The following ZCCHC24 variants were observed in gnomAD, a reference collection of about 807,000 sequenced individuals.
ZCCHC24 encodes the protein zinc finger CCHC-type containing 24.
Under a neutral mutation model 26.2 loss-of-function variants are expected in ZCCHC24, and 10 were observed. The ratio of observed to expected loss-of-function variants is 0.38; its 90% confidence interval spans 0.24 to 0.65. ZCCHC24 has a LOEUF of 0.65. Ranked by LOEUF, ZCCHC24 falls within the 30% of genes least tolerant of loss-of-function variation. ZCCHC24 has a pLI of 0.54. For synonymous variants in ZCCHC24, 144 were observed against 147.1 expected (o/e 0.98, Z 0.15); for missense variants, 243 against 329.1 (o/e 0.74, Z 2.03).
chr10:79,425,322 C>A (rs952136809), intron 2 of ZCCHC24, among the ~76,000 whole-genome samples: 4 of 152,234 alleles, frequency 2.6e-5, no homozygotes, highest in African/African-American at 9.6e-5. Flanking sequence ...GCAATCCCAA[C>A]CCACTCCTGA....
At chr10:79,433,888 G>C (rs1172688647) in intron 1 of ZCCHC24, among the ~76,000 whole-genome samples, 2 of 152,228 alleles carry the variant, frequency 1.3e-5, no homozygotes, top group East Asian at 3.8e-4. Context: ...GCATAGGCAG[G>C]GGAGGGAGGC....
At chr10:79,429,006 A>C (rs1857088865) in intron 2 of ZCCHC24, among the ~76,000 whole-genome samples, 1 of 152,212 alleles carries the variant, frequency 6.6e-6, no homozygotes, top group South Asian at 2.1e-4. Flanking sequence ...CCCACAAAAG[A>C]AAGCCCGGGC....
chr10:79,411,690 G>A (rs1856795210), intron 2 of ZCCHC24, among the ~76,000 whole-genome samples: 1 of 152,182 alleles, frequency 6.6e-6, no homozygotes. Context: ...CACACAGCCT[G>A]TGAGAGGCAG....
At chr10:79,436,508 G>A (rs952284840) in intron 1 of ZCCHC24, among the ~76,000 whole-genome samples, 7 of 152,232 alleles carry the variant, frequency 4.6e-5, no homozygotes, top group African/African-American at 1.4e-4. Flanking sequence ...GCAGGAGGGG[G>A]CGCAGGGATC....
intron 2 of ZCCHC24, among the ~76,000 whole-genome samples, chr10:79,414,588 C>T (rs957520311): frequency 2.6e-5 from 4 of 152,150 alleles, no homozygotes; most frequent in Admixed American, 1.3e-4. Context: ...GGGAGTCTCC[C>T]GGAACCTTGT....
At chr10:79,400,626 C>T (rs1434576365) in intron 2 of ZCCHC24, among the ~76,000 whole-genome samples, 1 of 152,226 alleles carries the variant, frequency 6.6e-6, no homozygotes, top group Non-Finnish European at 1.5e-5. Context: ...AGCCAGCCCA[C>T]TCCCTGGCCT....
chr10:79,443,808 G>A (rs919496017), intron 1 of ZCCHC24, among the ~76,000 whole-genome samples: 1 of 152,236 alleles, frequency 6.6e-6, no homozygotes, highest in Non-Finnish European at 1.5e-5. Flanking sequence ...TTTACAAAGA[G>A]CTTTGGCATA....
At chr10:79,403,485 G>A in intron 2 of ZCCHC24, 2 of 985,460 alleles carry the variant, frequency 2.0e-6, no homozygotes, top group Non-Finnish European at 2.4e-6. Flanking sequence ...CCTGGTCTGG[G>A]CAGCTGCAGG....
At chr10:79,431,706 T>C (rs1014909751) in intron 2 of ZCCHC24, among the ~76,000 whole-genome samples, 13 of 152,188 alleles carry the variant, frequency 8.5e-5, no homozygotes, top group Non-Finnish European at 1.5e-4. Context: ...AGGGGAACAC[T>C]ACATGCATTT....
intron 2 of ZCCHC24, among the ~76,000 whole-genome samples, chr10:79,404,602 T>C (rs1473085652): frequency 6.6e-6 from 1 of 152,168 alleles, no homozygotes; most frequent in African/African-American, 2.4e-5. Flanking sequence ...GAAAACCATT[T>C]GTTGTTTCCA....
At chr10:79,413,071 A>C (rs1212826578) in intron 2 of ZCCHC24, among the ~76,000 whole-genome samples, 3 of 152,236 alleles carry the variant, frequency 2.0e-5, no homozygotes, top group African/African-American at 2.4e-5. Flanking sequence ...ATTATATGGA[A>C]GTCTACCCAG....
chr10:79,388,057 G>A (rs981719735), intron 3 of ZCCHC24, among the ~76,000 whole-genome samples: 7 of 152,172 alleles, frequency 4.6e-5, no homozygotes, highest in African/African-American at 1.4e-4. Flanking sequence ...TGTCAGACCT[G>A]GGCTCGAATG....
intron 2 of ZCCHC24, among the ~76,000 whole-genome samples, chr10:79,405,713 T>G (rs573000885): frequency 6.6e-6 from 1 of 151,958 alleles, no homozygotes; most frequent in South Asian, 2.1e-4. Flanking sequence ...CAGCCTGGAG[T>G]GAGGCTTTGG....
chr10:79,423,315 C>T (rs367784524), intron 2 of ZCCHC24, among the ~76,000 whole-genome samples: 102 of 152,012 alleles, frequency 6.7e-4, no homozygotes, highest in African/African-American at 2.4e-3. Context: ...CTTTGGGAGT[C>T]CGAGGCAGGC....
chr10:79,415,563 A>G (rs1856848383), intron 2 of ZCCHC24, among the ~76,000 whole-genome samples: 1 of 152,220 alleles, frequency 6.6e-6, no homozygotes, highest in African/African-American at 2.4e-5. Context: ...AATATCTGGT[A>G]CAAATGCCCT....
At chr10:79,401,916 C>T (rs1589663247) in intron 2 of ZCCHC24, among the ~76,000 whole-genome samples, 2 of 152,228 alleles carry the variant, frequency 1.3e-5, no homozygotes, top group Non-Finnish European at 2.9e-5. Flanking sequence ...GCAGCCCGGC[C>T]GCTGAGGTGG....
chr10:79,425,917 A>G (rs1857020745), intron 2 of ZCCHC24, among the ~76,000 whole-genome samples: 1 of 152,206 alleles, frequency 6.6e-6, no homozygotes, highest in African/African-American at 2.4e-5. Context: ...CAGTGCTGAC[A>G]TTGGCCGGAC....
At position 79,386,293 on chromosome 10, in the gene ZCCHC24, A is replaced by G. The variant is rs755509604; in HGVS notation, c.*52T>C. The stretch of plus-strand genomic sequence containing the variant: ...GCCCCTCGGAGTAGCACAGGGAAGC[A>G]GCGTCTCCTCGGGCTGGCGGGGGGT... On this transcript the variant is annotated 3_prime_UTR_variant, in exon 4 of 4. Coordinates refer to ENST00000372336, the MANE Select transcript of ZCCHC24 (RefSeq NM_153367.4). 1 of 1,543,196 alleles carries G rather than the reference A, an allele frequency of 6.5e-7. No homozygotes were observed. Among genetic ancestry groups the G allele is most frequent in the East Asian group, 2.3e-5 (1 of 43,848 alleles).
At chr10:79,408,282 G>A (rs554201471) in intron 2 of ZCCHC24, among the ~76,000 whole-genome samples, 1 of 152,316 alleles carries the variant, frequency 6.6e-6, no homozygotes, top group South Asian at 2.1e-4. Context: ...TATGATTATA[G>A]CACTCTGGGC....
Sources: allele counts gnomAD v4.1 joint callset (sites outside exome capture counted in the v4.1 genomes callset), GRCh38; gene constraint gnomAD v4.1.1; transcripts MANE v1.5; gene names NCBI Gene and HGNC (gene_info 2026-07-23, HGNC 2026-07-21).